The following ST6GALNAC3 variants were observed in gnomAD, a reference collection of about 807,000 sequenced individuals.
ST6GALNAC3 encodes the protein alpha-N-acetylgalactosaminide alpha-2,6-sialyltransferase 3.
Under a neutral mutation model 32.7 loss-of-function variants are expected in ST6GALNAC3, and 25 were observed. The ratio of observed to expected loss-of-function variants is 0.76; its 90% confidence interval spans 0.56 to 1.07. The LOEUF (loss-of-function observed/expected upper bound fraction) is 1.07, where lower values mean the gene tolerates loss of function less well. Among genes scored for constraint, ST6GALNAC3 ranks in the 50% least tolerant of loss-of-function variants. The probability of loss-of-function intolerance (pLI) is 0.00; values close to 1 mark genes in which losing one functional copy is unlikely to be tolerated. For missense variants in ST6GALNAC3, 355 were observed against 382.4 expected (o/e 0.93, Z 0.60); for synonymous variants, 129 against 133.1 (o/e 0.97, Z 0.21).
chr1:76,547,086 C>A (rs1338611067), intron 3 of ST6GALNAC3, among the ~76,000 whole-genome samples: 1 of 152,132 alleles, frequency 6.6e-6, no homozygotes, highest in Non-Finnish European at 1.5e-5. Flanking sequence ...GCAGAGTAAC[C>A]ATTAAATTAA....
Position 76,297,717 on chromosome 1 carries a change from G to A in ST6GALNAC3, c.19-16088G>A, listed in dbSNP as rs1236987007. Among the ~76,000 whole-genome samples, 7 of 152,116 alleles carry A rather than the reference G, an allele frequency of 4.6e-5. No homozygotes were observed. In the South Asian group the frequency reaches 8.3e-4, roughly 18 times the overall value. ...TAAAGATCAGAGGTGATATGTGTAC[G>A]AGACCTAGCATGATTTCAGAAACAT... On this transcript the variant is annotated intron_variant, in intron 1 of 4. Transcript: ENST00000328299.
At chr1:76,438,110 T>G (rs957077997) in intron 3 of ST6GALNAC3, among the ~76,000 whole-genome samples, 10 of 152,050 alleles carry the variant, frequency 6.6e-5, no homozygotes, top group African/African-American at 2.4e-4. Flanking sequence ...ATCTTCTACA[T>G]TTTTTAAATG....
At chr1:76,602,493 G>T (rs1296782504) in intron 3 of ST6GALNAC3, among the ~76,000 whole-genome samples, 1 of 151,942 alleles carries the variant, frequency 6.6e-6, no homozygotes, top group South Asian at 2.1e-4. Flanking sequence ...CTCCCAAACC[G>T]TTTTGTTTGT....
intron 3 of ST6GALNAC3, among the ~76,000 whole-genome samples, chr1:76,465,803 A>C (rs531965373): frequency 6.6e-6 from 1 of 151,772 alleles, no homozygotes; most frequent in South Asian, 2.1e-4. Context: ...TTTTCTCCAC[A>C]ATGTTGCATT....
chr1:76,368,106 T>G (rs1358019674), intron 2 of ST6GALNAC3, among the ~76,000 whole-genome samples: 1 of 152,146 alleles, frequency 6.6e-6, no homozygotes, highest in African/African-American at 2.4e-5. Flanking sequence ...TGGGCATTTT[T>G]TTTTTCTGTG....
chr1:76,227,088 G>T (rs1486449131), intron 1 of ST6GALNAC3, among the ~76,000 whole-genome samples: 2 of 152,160 alleles, frequency 1.3e-5, no homozygotes, highest in African/African-American at 4.8e-5. Context: ...AAAACCAGAC[G>T]CAACTGTAAT....
intron 3 of ST6GALNAC3, among the ~76,000 whole-genome samples, chr1:76,419,237 G>A (rs1053475303): frequency 9.2e-5 from 14 of 152,076 alleles, no homozygotes; most frequent in Non-Finnish European, 1.8e-4. Context: ...GTGAAATAAA[G>A]TTCTCTGGGC....
At chr1:76,391,493 T>TA (rs1652544300) in intron 2 of ST6GALNAC3, among the ~76,000 whole-genome samples, 1 of 152,152 alleles carries the variant, frequency 6.6e-6, no homozygotes, top group African/African-American at 2.4e-5. Context: ...GAATGTTCTT[T>TA]AGAAACAAAT....
At chr1:76,173,449 C>CA (rs761352552) in intron 1 of ST6GALNAC3, among the ~76,000 whole-genome samples, 6 of 152,110 alleles carry the variant, frequency 3.9e-5, no homozygotes, top group Admixed American at 2.0e-4. Flanking sequence ...ACTAAAATGC[C>CA]AAAAGCAATT....
intron 1 of ST6GALNAC3, among the ~76,000 whole-genome samples, chr1:76,221,929 AT>A (rs1655796237): frequency 6.6e-6 from 1 of 152,088 alleles, no homozygotes; most frequent in Non-Finnish European, 1.5e-5. Flanking sequence ...GTGAGCTTTG[AT>A]TGTGTTGAAA....
chr1:76,250,707 TC>T (rs1481493793), intron 1 of ST6GALNAC3, among the ~76,000 whole-genome samples: 1 of 152,218 alleles, frequency 6.6e-6, no homozygotes, highest in Non-Finnish European at 1.5e-5. Context: ...TATTTATTTT[TC>T]CCTTCAACAT....
intron 2 of ST6GALNAC3, among the ~76,000 whole-genome samples, chr1:76,338,368 T>C (rs1274661829): frequency 6.6e-6 from 1 of 152,170 alleles, no homozygotes; most frequent in African/African-American, 2.4e-5. Flanking sequence ...TGCAGCCAAA[T>C]GTATTTCAGC....
At chr1:76,089,210 A>AT (rs1409583935) in intron 1 of ST6GALNAC3, among the ~76,000 whole-genome samples, 9 of 151,654 alleles carry the variant, frequency 5.9e-5, no homozygotes, top group East Asian at 3.9e-4. Context: ...ATTTTATTTT[A>AT]TTTATTTATT....
intron 1 of ST6GALNAC3, among the ~76,000 whole-genome samples, chr1:76,128,223 C>A (rs1258828139): frequency 1.3e-5 from 2 of 152,138 alleles, no homozygotes; most frequent in African/African-American, 2.4e-5. Flanking sequence ...GGAGAAAAGG[C>A]ACAGCAAGAT....
At chr1:76,111,982 G>C (rs1213481749) in intron 1 of ST6GALNAC3, among the ~76,000 whole-genome samples, 2 of 152,060 alleles carry the variant, frequency 1.3e-5, no homozygotes, top group South Asian at 4.1e-4. Context: ...TGGTGGCCGG[G>C]CAGAGGGGCT....
chr1:76,175,806 C>A (rs1319634435), intron 1 of ST6GALNAC3, among the ~76,000 whole-genome samples: 1 of 152,160 alleles, frequency 6.6e-6, no homozygotes, highest in Non-Finnish European at 1.5e-5. Flanking sequence ...ACTATGGCTA[C>A]ATGTGGATGA....
rs538527368 is a variant in ST6GALNAC3, at chr1:76,567,721, C to T, written c.624-59731C>T. On this transcript the variant is annotated intron_variant, in intron 3 of 4. Transcript: ENST00000328299. ...ATCTCTTGTGAGTCCTTATATTGTGCTTCCCAAGAACCTACAGTGCATTTC... is the reference window on the plus strand; with the variant it reads ...ATCTCTTGTGAGTCCTTATATTGTGTTTCCCAAGAACCTACAGTGCATTTC... Among the ~76,000 whole-genome samples, 414 of 152,250 alleles carry T rather than the reference C, an allele frequency of 2.7e-3. 3 individuals are homozygous for T. Among genetic ancestry groups the T allele is most frequent in the Non-Finnish European group, 4.6e-3 (312 of 68,016 alleles).
chr1:76,407,431 A>G (rs761324749), intron 2 of ST6GALNAC3, among the ~76,000 whole-genome samples: 13 of 152,160 alleles, frequency 8.5e-5, no homozygotes, highest in Non-Finnish European at 1.9e-4. Context: ...AAAATAGCCA[A>G]AACAAATACA....
At chr1:76,622,039 T>C (rs1364258861) in intron 3 of ST6GALNAC3, among the ~76,000 whole-genome samples, 4 of 151,562 alleles carry the variant, frequency 2.6e-5, no homozygotes, top group African/African-American at 9.7e-5. Context: ...GGAAGGGGGG[T>C]CTTGATACCC....
Sources: allele counts gnomAD v4.1 joint callset (sites outside exome capture counted in the v4.1 genomes callset), GRCh38; gene constraint gnomAD v4.1.1; transcripts MANE v1.5; gene names NCBI Gene and HGNC (gene_info 2026-07-23, HGNC 2026-07-21).